The following PTK2 variants were observed in gnomAD, a reference collection of about 807,000 sequenced individuals.
PTK2 encodes protein tyrosine kinase 2.
In PTK2, 45 loss-of-function variants were observed where a neutral mutation model predicts 150.1. The observed-to-expected ratio is 0.30, with a 90% CI of 0.24 to 0.38. The LOEUF is 0.38. Among genes scored for constraint, PTK2 ranks in the 10% least tolerant of loss-of-function variants. The probability of loss-of-function intolerance (pLI) is 1.00; values close to 1 mark genes in which losing one functional copy is unlikely to be tolerated. For synonymous variants in PTK2, 432 were observed against 449.2 expected, an observed-to-expected ratio of 0.96 and a Z score of 0.48; for missense variants, 919 against 1,307.3, an observed-to-expected ratio of 0.70 and a Z score of 4.58.
intron 20 of PTK2, among the ~76,000 whole-genome samples, chr8:140,739,527 T>A (rs2100054492): frequency 6.6e-6 from 1 of 152,182 alleles, no homozygotes; most frequent in African/African-American, 2.4e-5. Context: ...CTGGTGGTAG[T>A]TATGTTATAT....
chr8:140,669,301 G>GTATGTATGTATATATA (rs547959878), intron 29 of PTK2: 10 of 97,992 alleles, frequency 1.0e-4, no homozygotes, highest in African/African-American at 4.7e-4. Flanking sequence ...GCATAAAATG[G>GTATGTATGTATATATA]TATATATATA....
At chr8:140,774,451 T>G (rs2100077273) in intron 14 of PTK2, among the ~76,000 whole-genome samples, 1 of 152,202 alleles carries the variant, frequency 6.6e-6, no homozygotes, top group South Asian at 2.1e-4. Context: ...ATGGGCTGAT[T>G]GGTGTTGGGT....
intron 1 of PTK2, among the ~76,000 whole-genome samples, chr8:140,977,803 T>TA (rs1174933249): frequency 2.0e-5 from 3 of 152,006 alleles, no homozygotes; most frequent in Non-Finnish European, 4.4e-5. Flanking sequence ...CAATAAAAAG[T>TA]ACTCATCATA....
intron 26 of PTK2, among the ~76,000 whole-genome samples, chr8:140,696,921 G>T (rs1231824776): frequency 6.6e-6 from 1 of 151,752 alleles, no homozygotes; most frequent in Non-Finnish European, 1.5e-5. Context: ...CATCTCACAG[G>T]CATTAAGAAA....
intron 5 of PTK2, among the ~76,000 whole-genome samples, chr8:140,853,888 A>C (rs1464792330): frequency 1.3e-5 from 2 of 152,216 alleles, no homozygotes; most frequent in African/African-American, 2.4e-5. Flanking sequence ...TACCTCTTAG[A>C]CCTGCAATTT....
chr8:140,682,603 C>G (rs1365895001), intron 27 of PTK2, among the ~76,000 whole-genome samples: 1 of 148,782 alleles, frequency 6.7e-6, no homozygotes, highest in Non-Finnish European at 1.5e-5. Flanking sequence ...ATAAACCACA[C>G]AATTGGCTAT....
chr8:140,700,977 T>C (rs779932988), exon 26 of PTK2: 7 of 1,614,112 alleles, frequency 4.3e-6, no homozygotes, highest in Middle Eastern at 1.6e-4. Context: ...ATCAGATGGG[T>C]TGGCAACACT....
At chr8:140,724,422 C>A (rs1436615890) in intron 22 of PTK2, among the ~76,000 whole-genome samples, 1 of 152,094 alleles carries the variant, frequency 6.6e-6, no homozygotes, top group Non-Finnish European at 1.5e-5. Context: ...TTTGCAAATA[C>A]AAAACATTTC....
chr8:140,859,574 G>T (rs1485392713), intron 5 of PTK2, among the ~76,000 whole-genome samples: 1 of 152,074 alleles, frequency 6.6e-6, no homozygotes, highest in Non-Finnish European at 1.5e-5. Context: ...GACTTTAAAG[G>T]TTAGAGAATG....
In PTK2 at chr8:140,803,005, C is replaced by CTTTT. The variant is rs778981723; in HGVS notation, c.975+534_975+537dup. ...AATTTCCTTGGTACTTGATGACAAT[C>CTTTT]TTTTTTTTTTTTTTTTTTTTTTTTT... On this transcript the variant is annotated intron_variant, in intron 11 of 31. Transcript: ENST00000522684. 2.7e-3 allele frequency among the ~76,000 whole-genome samples: 207 copies of CTTTT among 77,364 alleles called. 27 individuals are homozygous for CTTTT. Among genetic ancestry groups the CTTTT allele is most frequent in the Middle Eastern group, 7.9e-3 (1 of 126 alleles). 50.8% of individuals were successfully genotyped at this position (77,364 alleles called of 152,430 possible). A position where few individuals can be genotyped will look rare whatever the true frequency, so the allele number is the denominator to read the frequency against.
chr8:140,764,168 A>G (rs772164121), intron 15 of PTK2, 66 bp downstream of exon 17: 11 of 1,306,306 alleles, frequency 8.4e-6, no homozygotes, highest in African/African-American at 4.4e-5. Context: ...GTAAGTATCA[A>G]TAACTTTTAA....
At chr8:140,666,489 A>G (rs1048739639) in intron 30 of PTK2, among the ~76,000 whole-genome samples, 1 of 152,214 alleles carries the variant, frequency 6.6e-6, no homozygotes, top group African/African-American at 2.4e-5. Flanking sequence ...AACGCTCAAA[A>G]AGCAAACAGA....
At chr8:140,897,112 G>A (rs2100156611) in intron 2 of PTK2, among the ~76,000 whole-genome samples, 1 of 152,084 alleles carries the variant, frequency 6.6e-6, no homozygotes. Context: ...TGCTAGCAAT[G>A]AAAAAACACT....
At chr8:140,762,855 A>T (rs2100070160) in intron 15 of PTK2, among the ~76,000 whole-genome samples, 1 of 152,026 alleles carries the variant, frequency 6.6e-6, no homozygotes, top group East Asian at 1.9e-4. Flanking sequence ...ATCAGGGCTC[A>T]CTGCAGCCTC....
chr8:140,729,641 A>G lies in PTK2; in HGVS notation c.2030+5610T>C, dbSNP rs149635919. On this transcript the variant is annotated intron_variant, in intron 22 of 31. Coordinates refer to ENST00000522684, the Ensembl canonical transcript of PTK2. The stretch of plus-strand genomic sequence containing the variant: ...CAAACAATGTAAGAAAACAAGCTGC[A>G]GGAATTCTCTGTAATAGTATTTTTT... Among the ~76,000 whole-genome samples, 1,118 of 152,354 alleles carry G rather than the reference A, an allele frequency of 7.3e-3. 18 individuals carry two copies. Among genetic ancestry groups the G allele is most frequent in the South Asian group, 0.042 (201 of 4,822 alleles).
At chr8:140,716,183 G>A (rs973715511) in intron 23 of PTK2, among the ~76,000 whole-genome samples, 2 of 152,178 alleles carry the variant, frequency 1.3e-5, no homozygotes, top group African/African-American at 4.8e-5. Flanking sequence ...TCATCAGAAT[G>A]TAAATAGCAG....
At chr8:140,839,300 C>T (rs1344483127) in intron 7 of PTK2, among the ~76,000 whole-genome samples, 2 of 152,246 alleles carry the variant, frequency 1.3e-5, no homozygotes, top group African/African-American at 2.4e-5. Context: ...TGCCAGAAGC[C>T]GCAGCAGTGT....
chr8:140,822,172 C>G (rs1258484066), intron 8 of PTK2: 1 of 152,214 alleles, frequency 6.6e-6, no homozygotes, highest in East Asian at 1.9e-4. Context: ...GGACCTAGAA[C>G]AAATCCACTA....
At chr8:140,938,579 G>T (rs1364219037) in intron 1 of PTK2, among the ~76,000 whole-genome samples, 2 of 152,128 alleles carry the variant, frequency 1.3e-5, no homozygotes, top group Non-Finnish European at 2.9e-5. Context: ...CCCATCTCAG[G>T]ATAATCTGGA....
Sources: gnomAD v4.1 joint callset for allele counts (sites outside exome capture counted in the v4.1 genomes callset) on GRCh38, gnomAD v4.1.1 for gene constraint, MANE v1.5 for transcripts, NCBI Gene and HGNC (gene_info 2026-07-23, HGNC 2026-07-21) for gene names.